CTNNA2: variants seen among roughly 807,000 people sequenced by gnomAD.
The protein encoded by CTNNA2 is catenin alpha 2.
CTNNA2 carries 42 observed loss-of-function variants against 101.0 expected under a neutral mutation model. The ratio of observed to expected loss-of-function variants is 0.42; its 90% CI spans 0.32 to 0.54. The LOEUF (loss-of-function observed/expected upper bound fraction) is 0.54, where lower values mean the gene tolerates loss of function less well. CTNNA2 is among the 20% of genes least tolerant of loss of function. The pLI is 0.14. For synonymous variants in CTNNA2, 450 were observed against 456.4 expected (o/e 0.99, Z 0.18); for missense variants, 871 against 1,223.1 (o/e 0.71, Z 4.29).
intron 2 of CTNNA2, among the ~76,000 whole-genome samples, chr2:79,293,849 T>G (rs1377042567): frequency 6.6e-6 from 1 of 152,120 alleles, no homozygotes; most frequent in Non-Finnish European, 1.5e-5. Context: ...TACAAATAAT[T>G]CACCTTCAAT....
At chr2:79,605,362 TA>T (rs1372117772) in intron 1 of CTNNA2, among the ~76,000 whole-genome samples, 1 of 152,068 alleles carries the variant, frequency 6.6e-6, no homozygotes, top group East Asian at 1.9e-4. Flanking sequence ...CAATGTCAAC[TA>T]GCATAAAAAA....
At chr2:79,632,639 T>A (rs1273597166) in intron 1 of CTNNA2, among the ~76,000 whole-genome samples, 2 of 152,218 alleles carry the variant, frequency 1.3e-5, no homozygotes, top group East Asian at 1.9e-4. Context: ...CTCAGTAGGA[T>A]CACTGTTGGT....
intron 3 of CTNNA2, among the ~76,000 whole-genome samples, chr2:79,756,584 T>G (rs1672415946): frequency 6.6e-6 from 1 of 152,108 alleles, no homozygotes; most frequent in South Asian, 2.1e-4. Context: ...AATTTCATAT[T>G]AAAACTAGAA....
intron 7 of CTNNA2, among the ~76,000 whole-genome samples, chr2:80,358,813 T>C (rs1454349949): frequency 6.6e-6 from 1 of 152,128 alleles, no homozygotes; most frequent in Non-Finnish European, 1.5e-5. Context: ...GTTAACATTG[T>C]AAAATAAAAC....
Position 79,975,615 on chromosome 2 carries a change from C to T in CTNNA2, c.1056+65818C>T, listed in dbSNP as rs117661148. Among the ~76,000 whole-genome samples, 854 of 152,022 alleles carry T rather than the reference C, an allele frequency of 5.6e-3. 19 individuals carry two copies. The East Asian group carries it at 0.067, about 12-fold the overall frequency. On this transcript the variant is annotated intron_variant, in intron 7 of 18. Transcript: ENST00000402739. ...AACCAGCTATAAATCAGCATTCCCA[C>T]GACCCTTTCCTCAGGTCCGATTAAT...
intron 7 of CTNNA2, among the ~76,000 whole-genome samples, chr2:80,175,720 C>A (rs1269761720): frequency 2.0e-5 from 3 of 152,200 alleles, no homozygotes; most frequent in Non-Finnish European, 2.9e-5. Flanking sequence ...TGTCTGCAAG[C>A]TGAGGAGCAA....
intron 4 of CTNNA2, among the ~76,000 whole-genome samples, chr2:79,466,347 G>A (rs1279271602): frequency 6.6e-6 from 1 of 152,200 alleles, no homozygotes; most frequent in Non-Finnish European, 1.5e-5. Flanking sequence ...CCCCGCCATT[G>A]CTGAGGTTTG....
intron 7 of CTNNA2, among the ~76,000 whole-genome samples, chr2:80,171,211 G>C (rs182940978): frequency 1.1e-3 from 174 of 152,324 alleles, no homozygotes; most frequent in Non-Finnish European, 2.4e-4. Context: ...GCCCATCTCA[G>C]TTCAGGCACG....
chr2:80,471,755 G>A (rs1290072196), intron 9 of CTNNA2, among the ~76,000 whole-genome samples: 1 of 152,196 alleles, frequency 6.6e-6, no homozygotes, highest in Non-Finnish European at 1.5e-5. Context: ...AAGGAAGGGT[G>A]AGTAACAGTA....
intron 1 of CTNNA2, among the ~76,000 whole-genome samples, chr2:79,616,749 C>T (rs960600087): frequency 6.6e-6 from 1 of 152,016 alleles, no homozygotes. Context: ...AAAGACTTTC[C>T]GTTTGCCCTT....
intron 7 of CTNNA2, among the ~76,000 whole-genome samples, chr2:80,209,261 G>T (rs965885426): frequency 1.2e-4 from 18 of 150,676 alleles, no homozygotes; most frequent in Non-Finnish European, 1.8e-4. Context: ...AACTGCAGCG[G>T]CACGATCCTG....
At chr2:80,063,266 G>A (rs1392524388) in intron 7 of CTNNA2, among the ~76,000 whole-genome samples, 1 of 151,348 alleles carries the variant, frequency 6.6e-6, no homozygotes, top group Non-Finnish European at 1.5e-5. Flanking sequence ...CATTCTCTAG[G>A]CAACTTCACA....
chr2:80,515,661 A>G (rs986620694), intron 9 of CTNNA2, among the ~76,000 whole-genome samples: 6 of 152,182 alleles, frequency 3.9e-5, no homozygotes, highest in African/African-American at 1.2e-4. Context: ...CATATTCTTT[A>G]AATTTGAAAT....
At chr2:79,875,932 T>G (rs941837967) in intron 6 of CTNNA2, among the ~76,000 whole-genome samples, 3 of 152,078 alleles carry the variant, frequency 2.0e-5, no homozygotes, top group Non-Finnish European at 4.4e-5. Context: ...TAAAATAAAG[T>G]AGAATAACGA....
chr2:79,413,974 A>ATAT (rs1678448671), intron 4 of CTNNA2, among the ~76,000 whole-genome samples: 1 of 125,194 alleles, frequency 8.0e-6, no homozygotes, highest in Non-Finnish European at 1.7e-5. Context: ...TATATATATA[A>ATAT]GCTTTTTAGT....
At chr2:79,593,677 T>G (rs1009401873) in intron 1 of CTNNA2, among the ~76,000 whole-genome samples, 1 of 152,064 alleles carries the variant, frequency 6.6e-6, no homozygotes, top group Non-Finnish European at 1.5e-5. Context: ...CTCAGCATCT[T>G]TCTTGTGTCT....
intron 2 of CTNNA2, among the ~76,000 whole-genome samples, chr2:79,270,275 G>A (rs1248667997): frequency 1.3e-5 from 2 of 152,214 alleles, no homozygotes; most frequent in South Asian, 2.1e-4. Flanking sequence ...TTTAGTCAAT[G>A]CCAAACTCTT....
chr2:80,337,277 C>T (rs1191942918), intron 7 of CTNNA2, among the ~76,000 whole-genome samples: 4 of 152,032 alleles, frequency 2.6e-5, no homozygotes, highest in South Asian at 2.1e-4. Flanking sequence ...ATCGCTTGAA[C>T]CTGGGAGGCT....
intron 7 of CTNNA2, among the ~76,000 whole-genome samples, chr2:80,363,454 C>T (rs965159844): frequency 6.6e-6 from 1 of 152,110 alleles, no homozygotes; most frequent in Non-Finnish European, 1.5e-5. Context: ...CAAATAAAGC[C>T]GGGCTCAGTA....
Sources: allele counts gnomAD v4.1 joint callset (sites outside exome capture counted in the v4.1 genomes callset), GRCh38; gene constraint gnomAD v4.1.1; transcripts MANE v1.5; gene names NCBI Gene and HGNC (gene_info 2026-07-23, HGNC 2026-07-21).